Variants in SEC16B observed in about 807,000 individuals in gnomAD.
SEC16B encodes the protein protein transport protein Sec16B.
A neutral mutation model predicts 141.8 loss-of-function variants in SEC16B; 115 were observed. That is an observed-to-expected ratio of 0.81 (90% CI 0.70 to 0.95). The LOEUF (loss-of-function observed/expected upper bound fraction) is 0.95, where lower values mean the gene tolerates loss of function less well. SEC16B is among the 40% of genes least tolerant of loss of function. The probability of loss-of-function intolerance (pLI) is 0.00; values close to 1 mark genes in which losing one functional copy is unlikely to be tolerated. For synonymous variants in SEC16B, 493 were observed against 492.5 expected, an observed-to-expected ratio of 1.00 and a Z score of -0.01; for missense variants, 1,291 against 1,312.3, an observed-to-expected ratio of 0.98 and a Z score of 0.25.
rs757267735 is a variant in SEC16B, at chr1:177,968,005, G to C, written c.-24C>G. 4.4e-6 allele frequency: 7 copies of C among 1,575,162 alleles called. No individual in the cohort carries two copies. The highest frequency in any genetic ancestry group is 6.1e-6 in the Non-Finnish European group (7 of 1,156,310). The stretch of plus-strand genomic sequence containing the variant: ...ATCCTTGACTCTCTGAATTTGTCCT[G>C]GGTTTTGAGTAAGTTGTGCAGTTAT... On this transcript the variant is annotated 5_prime_UTR_variant, in exon 2 of 26. Coordinates refer to ENST00000308284, the MANE Select transcript of SEC16B (RefSeq NM_033127.4).
chr1:177,938,244 G>A (rs1047851659), intron 18 of SEC16B, among the ~76,000 whole-genome samples: 9 of 152,224 alleles, frequency 5.9e-5, no homozygotes, highest in African/African-American at 2.2e-4. Context: ...CACCAACCAT[G>A]AACTGGGTCT....
intron 21 of SEC16B, 73 bp downstream of exon 21, chr1:177,933,409 CCA>C (rs1330354196): frequency 2.5e-6 from 4 of 1,569,104 alleles, no homozygotes; most frequent in Non-Finnish European, 2.6e-6. Context: ...GCCCAGACTT[CCA>C]AGTCTGCACC....
rs780391759 is a variant in SEC16B, at chr1:177,968,029, A to C, written c.-48T>G. 3 of 1,515,104 alleles carry C rather than the reference A, an allele frequency of 2.0e-6. No homozygotes were observed. Among genetic ancestry groups the C allele is most frequent in the East Asian group, 2.3e-5 (1 of 43,566 alleles). The allele number at this position is 1,515,104 out of a possible 1,614,324, so 93.9% of individuals were successfully genotyped here. Reference sequence around the variant, plus strand: ...TGGGTTTTGAGTAAGTTGTGCAGTTATTTTATCTTCCTGCAGACAAAAGAA... The same window carrying C: ...TGGGTTTTGAGTAAGTTGTGCAGTTCTTTTATCTTCCTGCAGACAAAAGAA... On this transcript the variant is annotated 5_prime_UTR_variant, in exon 2 of 26. Transcript: ENST00000308284.
intron 1 of SEC16B, among the ~76,000 whole-genome samples, chr1:177,982,082 G>C (rs1377513007): frequency 6.6e-6 from 1 of 152,166 alleles, no homozygotes; most frequent in Non-Finnish European, 1.5e-5. Context: ...ACCAAGGGAG[G>C]AGAGGCTGTC....
intron 25 of SEC16B, among the ~76,000 whole-genome samples, chr1:177,930,178 G>T (rs911062415): frequency 6.6e-6 from 1 of 152,174 alleles, no homozygotes; most frequent in African/African-American, 2.4e-5. Context: ...GAGGAACAGG[G>T]AACTTAGCTT....
chr1:177,976,811 C>T (rs1654185259), intron 1 of SEC16B, among the ~76,000 whole-genome samples: 1 of 152,144 alleles, frequency 6.6e-6, no homozygotes, highest in African/African-American at 2.4e-5. Flanking sequence ...GTGAAATCTA[C>T]AATTTCTCCT....
chr1:177,946,614 G>A, intron 13 of SEC16B, 83 bp from the exon 14 acceptor site: 2 of 1,039,994 alleles, frequency 1.9e-6, no homozygotes, highest in East Asian at 5.2e-5. Flanking sequence ...GAGACAGATG[G>A]AAGAGTGGCC....
chr1:177,959,191 A>T (rs1652876606), intron 8 of SEC16B: 1 of 572,648 alleles, frequency 1.7e-6, no homozygotes. Context: ...CACCCCCTTT[A>T]TAGATGAAGA....
At chr1:177,969,838 G>A (rs113655435) in intron 1 of SEC16B, 46 bp downstream of exon 1, 6 of 152,080 alleles carry the variant, frequency 3.9e-5, no homozygotes, top group East Asian at 1.9e-4. Flanking sequence ...GGCACAGCAC[G>A]TCCAGCTCAA....
At chr1:177,978,742 A>G (rs12095164) in intron 1 of SEC16B, among the ~76,000 whole-genome samples, 18,206 of 146,332 alleles carry the variant, frequency 0.12, 1,966 homozygotes, top group African/African-American at 0.3. Flanking sequence ...TAAATAAATA[A>G]ATAGCATAGC....
At chr1:177,983,293 C>T (rs1172169546) in intron 1 of SEC16B, among the ~76,000 whole-genome samples, 1 of 152,152 alleles carries the variant, frequency 6.6e-6, no homozygotes, top group East Asian at 1.9e-4. Context: ...CCCCTGACTC[C>T]CAGCCCAGTG....
intron 10 of SEC16B, among the ~76,000 whole-genome samples, chr1:177,957,687 C>A (rs1048904516): frequency 2.6e-5 from 4 of 152,142 alleles, no homozygotes; most frequent in African/African-American, 9.7e-5. Context: ...TTTTAGTTAT[C>A]TTTAAATGTA....
At chr1:177,967,119 C>G (rs1029712893) in intron 2 of SEC16B, among the ~76,000 whole-genome samples, 11 of 152,146 alleles carry the variant, frequency 7.2e-5, no homozygotes, top group African/African-American at 1.9e-4. Flanking sequence ...GAACTTGGAG[C>G]CTGCAGGTTT....
intron 11 of SEC16B, among the ~76,000 whole-genome samples, chr1:177,952,381 C>T (rs1455733439): frequency 6.6e-6 from 1 of 152,170 alleles, no homozygotes; most frequent in Non-Finnish European, 1.5e-5. Context: ...TCTCAGCCAT[C>T]CCGATCTCCC....
chr1:177,933,300 C>A lies in SEC16B; in HGVS notation c.2737G>T (p.Gly913Cys). The A allele has an allele frequency of 6.2e-7, 1 of 1,601,266 alleles. No homozygotes were observed. Among genetic ancestry groups the A allele is most frequent in the East Asian group, 2.3e-5 (1 of 44,376 alleles). ...TTCGATCGAAACCAGCTGAACCAGC[C>A]AAACCCTGAGCTCTGGAAGGGGAAG... Reference protein sequence around the residue: ...GKEHTKSSGFGWFSWFRSKPT... With the variant: ...GKEHTKSSGFCWFSWFRSKPT... The change falls in exon 22 of 26, where the codon GGC becomes TGC. Residue 913 changes from glycine to cysteine, a missense_variant. Gly to Cys is a radical substitution (Grantham distance 159). Coordinates refer to ENST00000308284, the MANE Select transcript of SEC16B (RefSeq NM_033127.4).
At chr1:177,951,444 C>T (rs1375323978) in intron 12 of SEC16B, among the ~76,000 whole-genome samples, 2 of 152,172 alleles carry the variant, frequency 1.3e-5, no homozygotes, top group Non-Finnish European at 2.9e-5. Flanking sequence ...AGATTGAAAT[C>T]GAGTATGTCC....
chr1:177,932,907 C>A, intron 22 of SEC16B, 101 bp from the exon 23 acceptor site: 1 of 1,171,748 alleles, frequency 8.5e-7, no homozygotes. Flanking sequence ...GGCCTTGCCA[C>A]AAACTGCTGC....
chr1:177,967,647 G>A (rs960872117), intron 2 of SEC16B, 36 bp downstream of exon 2: 15 of 1,524,970 alleles, frequency 9.8e-6, no homozygotes, highest in Middle Eastern at 1.8e-4. Context: ...TACGCATTTA[G>A]GAGAGTTGCA....
At chr1:177,946,224 C>A (rs1037093303) in intron 14 of SEC16B, 196 bp downstream of exon 14, 1 of 639,288 alleles carries the variant, frequency 1.6e-6, no homozygotes, top group Non-Finnish European at 2.8e-6. Context: ...GCCTGAGGCC[C>A]CCGCCAATGC....
Sources: allele counts gnomAD v4.1 joint callset (sites outside exome capture counted in the v4.1 genomes callset), GRCh38; gene constraint gnomAD v4.1.1; transcripts MANE v1.5; gene names NCBI Gene and HGNC (gene_info 2026-07-23, HGNC 2026-07-21).